Variants in UBE2D2 observed in about 807,000 individuals in gnomAD.
UBE2D2 encodes ubiquitin-conjugating enzyme E2 D2.
A neutral mutation model predicts 24.2 loss-of-function variants in UBE2D2; 2 were observed. That is an observed-to-expected ratio of 0.08 (90% CI 0.03 to 0.26). The LOEUF is 0.26. Among genes scored for constraint, UBE2D2 ranks in the 10% least tolerant of loss-of-function variants. The probability of loss-of-function intolerance (pLI) is 1.00; values close to 1 mark genes in which losing one functional copy is unlikely to be tolerated. For missense variants in UBE2D2, 44 were observed against 177.6 expected, an observed-to-expected ratio of 0.25 and a Z score of 4.28; for synonymous variants, 58 against 56.5, an observed-to-expected ratio of 1.03 and a Z score of -0.12.
intron 1 of UBE2D2, among the ~76,000 whole-genome samples, chr5:139,577,404 CTTTTTTTT>C (rs869189901): frequency 6.1e-4 from 42 of 69,142 alleles, no homozygotes; most frequent in Admixed American, 4.3e-3. Context: ...TAGCATCTCT[CTTTTTTTT>C]TTTTTTTTTT....
intron 2 of UBE2D2, 21 bp from the exon 3 acceptor site, chr5:139,614,565 T>A (rs1299205417): frequency 6.2e-7 from 1 of 1,612,214 alleles, no homozygotes; most frequent in Non-Finnish European, 8.5e-7. Flanking sequence ...ACATGGTGAC[T>A]TTTTTCTTGT....
Position 139,561,442 on chromosome 5 carries a change from C to T in UBE2D2, c.-350C>T, listed in dbSNP as rs1753085892. 1 of 267,858 alleles carries T rather than the reference C, an allele frequency of 3.7e-6. No individual in the cohort carries two copies. The highest frequency in any genetic ancestry group is 7.1e-6 in the Non-Finnish European group (1 of 141,618). The allele number at this position is 267,858 out of a possible 1,614,324, so 16.6% of individuals were successfully genotyped here. A position where few individuals can be genotyped will look rare whatever the true frequency, so the allele number is the denominator to read the frequency against. On this transcript the variant is annotated 5_prime_UTR_variant, in exon 1 of 7. Coordinates refer to ENST00000398733, the MANE Select transcript of UBE2D2 (RefSeq NM_003339.3). Reference sequence around the variant, plus strand: ...CTCCGGCTGTCCGACCAAGAGAGGCCGGCCGAGCCCGAGGCTTGGGCTTTT... The same window carrying T: ...CTCCGGCTGTCCGACCAAGAGAGGCTGGCCGAGCCCGAGGCTTGGGCTTTT...
chr5:139,587,119 G>C (rs1753746139), intron 1 of UBE2D2, among the ~76,000 whole-genome samples: 1 of 152,148 alleles, frequency 6.6e-6, no homozygotes, highest in Admixed American at 6.6e-5. Flanking sequence ...TGCTGTGAGT[G>C]TTATATCTCT....
chr5:139,595,152 T>C (rs183794944), intron 1 of UBE2D2, among the ~76,000 whole-genome samples: 51 of 152,282 alleles, frequency 3.3e-4, no homozygotes, highest in Admixed American at 1.2e-3. Context: ...TCTCATAAAA[T>C]AGAAAGTTGA....
In UBE2D2 at chr5:139,561,681, C is replaced by G; in HGVS notation, c.-111C>G. The G allele has an allele frequency of 1.2e-6, 1 of 839,006 alleles. No homozygotes were observed. 52.0% of individuals were successfully genotyped at this position (839,006 alleles called of 1,614,324 possible). On this transcript the variant is annotated 5_prime_UTR_variant, in exon 1 of 7. In the 5' UTR this introduces an upstream ATG that the reference lacks. Transcript: ENST00000398733. ...GGACCCGCTTTCCTCAACTCTCCAT[C>G]TTCTCCTGCCGACCGAGATCGCCGA...
At chr5:139,550,547 T>TCAGGTTCTCTTC (rs1290285423) in intron 1 of UBE2D2, among the ~76,000 whole-genome samples, 2 of 151,988 alleles carry the variant, frequency 1.3e-5, no homozygotes, top group Non-Finnish European at 2.9e-5. Flanking sequence ...GGCAACTGGC[T>TCAGGTTCTCTTC]CAGGTTCTCT....
chr5:139,610,597 G>C (rs1483955284), intron 2 of UBE2D2, among the ~76,000 whole-genome samples: 2 of 151,830 alleles, frequency 1.3e-5, no homozygotes, highest in Non-Finnish European at 2.9e-5. Context: ...GAGGGTCTGG[G>C]CACAGTGGCT....
chr5:139,560,307 C>T (rs932273890), upstream of UBE2D2, among the ~76,000 whole-genome samples: 39 of 151,968 alleles, frequency 2.6e-4, no homozygotes, highest in African/African-American at 9.4e-4. Flanking sequence ...AAGCGATTCT[C>T]CTGCCTCAGC....
intron 1 of UBE2D2, among the ~76,000 whole-genome samples, chr5:139,535,092 A>T (rs1752650390): frequency 6.6e-6 from 1 of 151,816 alleles, no homozygotes; most frequent in Non-Finnish European, 1.5e-5. Flanking sequence ...GTGAACCAAG[A>T]TCTCATGCCA....
At chr5:139,585,067 AT>A (rs200975163) in intron 1 of UBE2D2, among the ~76,000 whole-genome samples, 2,066 of 149,674 alleles carry the variant, frequency 0.014, 49 homozygotes, top group African/African-American at 0.048. Flanking sequence ...CGCCCAGCTA[AT>A]TTTGTATTTT....
chr5:139,615,106 TG>T, intron 5 of UBE2D2, 140 bp downstream of exon 5: 1 of 863,206 alleles, frequency 1.2e-6, no homozygotes, highest in Middle Eastern at 2.6e-4. Flanking sequence ...CCTTGAGAAC[TG>T]AAAACGAGTT....
chr5:139,569,782 G>C (rs754146842), intron 1 of UBE2D2, among the ~76,000 whole-genome samples: 1 of 152,156 alleles, frequency 6.6e-6, no homozygotes, highest in Non-Finnish European at 1.5e-5. Flanking sequence ...TTTCTGGACT[G>C]TCCAGTGTAT....
chr5:139,533,136 A>G (rs1370861872), intron 1 of UBE2D2, among the ~76,000 whole-genome samples: 1 of 151,468 alleles, frequency 6.6e-6, no homozygotes, highest in East Asian at 2.0e-4. Flanking sequence ...ATGGACCTCA[A>G]CTCCTCAACT....
chr5:139,585,341 T>C (rs1561511462), intron 1 of UBE2D2, among the ~76,000 whole-genome samples: 1 of 151,628 alleles, frequency 6.6e-6, no homozygotes, highest in Non-Finnish European at 1.5e-5. Flanking sequence ...GCCTCCTGAG[T>C]AGCTAGTACT....
chr5:139,559,284 G>C (rs184770581), upstream of UBE2D2, among the ~76,000 whole-genome samples: 1,200 of 152,006 alleles, frequency 7.9e-3, 15 homozygotes, highest in Middle Eastern at 0.024. Context: ...AAAATTACCC[G>C]GGCGTGCTTG....
At chr5:139,599,758 CAAAAA>C (rs753190604) in intron 1 of UBE2D2, among the ~76,000 whole-genome samples, 2 of 151,106 alleles carry the variant, frequency 1.3e-5, no homozygotes, top group Non-Finnish European at 3.0e-5. Context: ...AACAAACAAA[CAAAAA>C]AAACAGTATT....
intron 1 of UBE2D2, among the ~76,000 whole-genome samples, chr5:139,545,833 T>C (rs1752820050): frequency 6.6e-6 from 1 of 151,718 alleles, no homozygotes; most frequent in Admixed American, 6.6e-5. Context: ...AAGTGACTAT[T>C]CTGCCTCAGC....
At chr5:139,557,459 A>G (rs1004423202), upstream of UBE2D2, among the ~76,000 whole-genome samples, 3 of 152,094 alleles carry the variant, frequency 2.0e-5, no homozygotes, top group African/African-American at 7.2e-5. Context: ...TTATAAATCA[A>G]TATCCCAGCT....
upstream of UBE2D2, among the ~76,000 whole-genome samples, chr5:139,559,885 G>A (rs1349586051): frequency 1.3e-5 from 2 of 152,104 alleles, no homozygotes; most frequent in African/African-American, 4.8e-5. Context: ...GCTTGGCTCC[G>A]TATCTCACAC....
Sources: gnomAD v4.1 joint callset for allele counts (sites outside exome capture counted in the v4.1 genomes callset) on GRCh38, gnomAD v4.1.1 for gene constraint, MANE v1.5 for transcripts, NCBI Gene and HGNC (gene_info 2026-07-23, HGNC 2026-07-21) for gene names.